UBE2E3: variants seen among roughly 807,000 people sequenced by gnomAD.
UBE2E3 encodes the protein ubiquitin conjugating enzyme E2 E3.
UBE2E3 carries 5 observed loss-of-function variants against 23.6 expected under a neutral mutation model. The observed-to-expected ratio is 0.21, with a 90% CI of 0.11 to 0.44. UBE2E3 has a LOEUF of 0.44. UBE2E3 is among the 20% of genes least tolerant of loss of function. The pLI, the probability that UBE2E3 is intolerant of heterozygous loss-of-function variation, is 0.99. For missense variants in UBE2E3, 81 were observed against 249.8 expected, an observed-to-expected ratio of 0.32 and a Z score of 4.55; for synonymous variants, 78 against 87.5, an observed-to-expected ratio of 0.89 and a Z score of 0.60.
In UBE2E3 at chr2:181,010,247, A is replaced by G. The variant is rs78850825; in HGVS notation, c.245+26154A>G. On this transcript the variant is annotated intron_variant, in intron 3 of 5. Coordinates refer to ENST00000410062, the MANE Select transcript of UBE2E3 (RefSeq NM_006357.4). The stretch of plus-strand genomic sequence containing the variant: ...TAGTTCTTTTTCATTCAGATAAATC[A>G]GTAGGCTTAATTTCAGGTGTGTCAG... Among the ~76,000 whole-genome samples, 9 of 152,312 alleles carry G rather than the reference A, an allele frequency of 5.9e-5. No homozygotes were observed. The East Asian group carries it at 1.7e-3, about 29-fold the overall frequency.
At chr2:180,981,563 G>C (rs1186901096) in intron 1 of UBE2E3, 1 of 153,940 alleles carries the variant, frequency 6.5e-6, no homozygotes, top group African/African-American at 2.4e-5. Flanking sequence ...TAAGCATATG[G>C]GCGATTAACA....
At chr2:180,995,795 G>A (rs1042583989) in intron 3 of UBE2E3, among the ~76,000 whole-genome samples, 8 of 148,554 alleles carry the variant, frequency 5.4e-5, no homozygotes, top group African/African-American at 1.5e-4. Flanking sequence ...TTGTTTTAAC[G>A]AAACAAAACT....
chr2:181,000,656 G>A (rs1350322758), intron 3 of UBE2E3, among the ~76,000 whole-genome samples: 1 of 150,924 alleles, frequency 6.6e-6, no homozygotes, highest in Non-Finnish European at 1.5e-5. Context: ...CCGGGTTCAC[G>A]CCATTCTCCT....
chr2:181,003,144 C>G (rs62180121), intron 3 of UBE2E3, among the ~76,000 whole-genome samples: 35,349 of 152,018 alleles, frequency 0.23, 4,475 homozygotes, highest in Non-Finnish European at 0.28. Flanking sequence ...AATATATGTG[C>G]CTTAATTAGT....
At position 181,030,881 on chromosome 2, in the gene UBE2E3, T is replaced by C. The variant is rs112161238; in HGVS notation, c.246-26812T>C. ...TGTCTTGTCACAAGGTTTCTATGTT[T>C]TATTAGTCTTGACCCAAAAATTTAA... is the stretch of plus-strand genomic sequence containing the variant. On this transcript the variant is annotated intron_variant, in intron 3 of 5. Coordinates refer to ENST00000410062, the MANE Select transcript of UBE2E3 (RefSeq NM_006357.4). Among the ~76,000 whole-genome samples, 614 of 152,290 alleles carry C rather than the reference T, an allele frequency of 4.0e-3. 4 individuals are homozygous for C. The highest frequency in any genetic ancestry group is 5.8e-3 in the Non-Finnish European group (397 of 68,006).
chr2:181,006,956 A>G (rs1272513094), intron 3 of UBE2E3, among the ~76,000 whole-genome samples: 2 of 152,338 alleles, frequency 1.3e-5, no homozygotes, highest in African/African-American at 2.4e-5. Flanking sequence ...CTAACAATCT[A>G]ATATTTCTAG....
intron 3 of UBE2E3, among the ~76,000 whole-genome samples, chr2:181,039,360 T>C (rs1686404639): frequency 6.6e-6 from 1 of 152,112 alleles, no homozygotes; most frequent in Non-Finnish European, 1.5e-5. Flanking sequence ...ATTGAAAATG[T>C]AATGAATATA....
intron 3 of UBE2E3, among the ~76,000 whole-genome samples, chr2:181,033,210 C>G (rs890687848): frequency 1.3e-5 from 2 of 152,172 alleles, no homozygotes; most frequent in African/African-American, 4.8e-5. Flanking sequence ...AAAAAAGAGC[C>G]CGCATTGCCA....
intron 3 of UBE2E3, among the ~76,000 whole-genome samples, chr2:181,022,884 T>G (rs1187425301): frequency 6.6e-6 from 1 of 152,060 alleles, no homozygotes; most frequent in East Asian, 1.9e-4. Context: ...TATTGATTTT[T>G]GGCTTACAAA....
At chr2:181,001,005 A>C (rs1684973884) in intron 3 of UBE2E3, among the ~76,000 whole-genome samples, 1 of 152,212 alleles carries the variant, frequency 6.6e-6, no homozygotes, top group African/African-American at 2.4e-5. Flanking sequence ...TCATATCAGT[A>C]ATGAAGATAT....
intron 3 of UBE2E3, among the ~76,000 whole-genome samples, chr2:181,009,521 A>G (rs1411161271): frequency 1.1e-5 from 1 of 90,326 alleles, no homozygotes; most frequent in Admixed American, 1.0e-4. Flanking sequence ...ATATATTTAT[A>G]CTAGGCTTTA....
chr2:181,021,616 CTCTCTCCCTCCCTTTT>C (rs1685694939), intron 3 of UBE2E3, among the ~76,000 whole-genome samples: 1 of 82,934 alleles, frequency 1.2e-5, no homozygotes, highest in African/African-American at 4.6e-5. Context: ...TCCTTCCTCC[CTCTCTCCCTCCCTTTT>C]TTCCTTCCTT....
At position 180,989,985 on chromosome 2, in the gene UBE2E3, A is replaced by G. The variant is rs1383083423; in HGVS notation, c.245+5892A>G. On this transcript the variant is annotated intron_variant, in intron 3 of 5. Coordinates refer to ENST00000410062, the MANE Select transcript of UBE2E3 (RefSeq NM_006357.4). ...CCTATCAATATGAGATAAAAACATA[A>G]TAAAATCACTTGTAAATCTAGAGAA... 3.3e-6 allele frequency: 5 copies of G among 1,534,342 alleles called. No individual in the cohort carries two copies. The East Asian group carries it at 7.4e-5, about 23-fold the overall frequency.
At chr2:181,031,195 A>G (rs1686067166) in intron 3 of UBE2E3, among the ~76,000 whole-genome samples, 1 of 152,116 alleles carries the variant, frequency 6.6e-6, no homozygotes, top group South Asian at 2.1e-4. Context: ...ACATATGTCC[A>G]GTGTGCTTGA....
intron 3 of UBE2E3, among the ~76,000 whole-genome samples, 161 bp downstream of exon 3, chr2:180,984,254 T>C (rs919847054): frequency 6.6e-6 from 1 of 152,174 alleles, no homozygotes; most frequent in Admixed American, 6.5e-5. Context: ...TAGATAAAAT[T>C]GGGAGAAAAA....
chr2:180,998,005 C>T (rs1436691349), intron 3 of UBE2E3, among the ~76,000 whole-genome samples: 2 of 152,040 alleles, frequency 1.3e-5, no homozygotes, highest in African/African-American at 4.8e-5. Context: ...TCTTATATTT[C>T]TTTATATTTT....
chr2:180,985,838 T>C (rs1270382719), intron 3 of UBE2E3, among the ~76,000 whole-genome samples: 1 of 152,156 alleles, frequency 6.6e-6, no homozygotes, highest in East Asian at 1.9e-4. Context: ...CAAACTAATG[T>C]ACGTGCATAA....
chr2:181,040,922 T>C (rs1446875950), intron 3 of UBE2E3, among the ~76,000 whole-genome samples: 6 of 141,668 alleles, frequency 4.2e-5, no homozygotes, highest in Non-Finnish European at 3.2e-5. Context: ...TAGAGGTTCC[T>C]TCTGATGCTT....
intron 3 of UBE2E3, among the ~76,000 whole-genome samples, chr2:181,013,097 G>T (rs1518458): frequency 0.22 from 33,029 of 151,982 alleles, 4,177 homozygotes; most frequent in Non-Finnish European, 0.28. Flanking sequence ...GAGTAGCTGG[G>T]ACTACAGTCA....
Sources: gnomAD v4.1 joint callset for allele counts (sites outside exome capture counted in the v4.1 genomes callset) on GRCh38, gnomAD v4.1.1 for gene constraint, MANE v1.5 for transcripts, NCBI Gene and HGNC (gene_info 2026-07-23, HGNC 2026-07-21) for gene names.